Variants in EPN3 observed in about 807,000 individuals in gnomAD.
EPN3 encodes the protein epsin 3, also known as epsin-3.
In EPN3, 56 loss-of-function variants were observed where a neutral mutation model predicts 55.5. The ratio of observed to expected loss-of-function variants is 1.01; its 90% CI spans 0.81 to 1.26. The LOEUF (loss-of-function observed/expected upper bound fraction) is 1.26. EPN3 is among the 50% of genes most tolerant of loss of function. EPN3 has a pLI of 0.00. For synonymous variants in EPN3, 449 were observed against 375.2 expected, an observed-to-expected ratio of 1.20 and a Z score of -2.27; for missense variants, 927 against 853.4, an observed-to-expected ratio of 1.09 and a Z score of -1.07.
In EPN3 at chr17:50,536,737, T is replaced by G; in HGVS notation, c.181T>G (p.Trp61Gly). 1 of 1,614,126 alleles carries G rather than the reference T, an allele frequency of 6.2e-7. No individual in the cohort carries two copies. ...VAFTEVMGMLWRRLNDSGKNW... is the reference protein window; with the variant it reads ...VAFTEVMGMLGRRLNDSGKNW... The stretch of plus-strand genomic sequence containing the variant: ...CTTCACCGAAGTCATGGGCATGCTG[T>G]GGCGGCGGCTCAATGACAGCGGCAA... Residue 61 changes from tryptophan to glycine, a missense_variant, in exon 2 of 10, where the codon TGG becomes GGG. Trp to Gly is a radical substitution (Grantham distance 184, BLOSUM62 -2). Coordinates refer to ENST00000268933, the MANE Select transcript of EPN3 (RefSeq NM_017957.3).
In EPN3 at chr17:50,539,194, G is replaced by C. The variant is rs1331286976; in HGVS notation, c.770G>C (p.Arg257Thr). 3 of 1,614,022 alleles carry C rather than the reference G, an allele frequency of 1.9e-6. No individual in the cohort carries two copies. The highest frequency in any genetic ancestry group is 2.5e-6 in the Non-Finnish European group (3 of 1,179,992). The change falls in exon 5 of 10, where the codon AGG (arginine) becomes ACG (threonine). Residue 257 changes from arginine to threonine, a missense_variant. Transcript: ENST00000268933. ...TTTCTGTGCCTTCTGCAGGAGGTGAGGTCCTGGCAGGGTGATGGCTCCCCC... is the reference window on the plus strand; with the variant it reads ...TTTCTGTGCCTTCTGCAGGAGGTGACGTCCTGGCAGGGTGATGGCTCCCCC... ...LSRQEHEKEVRSWQGDGSPMA... is the reference protein window; with the variant it reads ...LSRQEHEKEVTSWQGDGSPMA...
intron 2 of EPN3, 150 bp downstream of exon 2, chr17:50,537,268 C>T: frequency 1.3e-6 from 1 of 784,560 alleles, no homozygotes; most frequent in South Asian, 1.9e-5. Flanking sequence ...GGCGCAACAC[C>T]CGGCACATAG....
rs2034863682 is a variant in EPN3, at chr17:50,542,452, G to A, written c.*295G>A. On this transcript the variant is annotated 3_prime_UTR_variant, in exon 10 of 10. Transcript: ENST00000268933. ...ATCACCGGCTGTTTAGGAAACTGCA[G>A]CTGCACAACGTGGGGTGCAAAACTG... The A allele has an allele frequency of 5.5e-6, 2 of 366,136 alleles. No homozygotes were observed. Among genetic ancestry groups the A allele is most frequent in the South Asian group, 5.2e-5 (1 of 19,296 alleles). 22.7% of individuals were successfully genotyped at this position (366,136 alleles called of 1,614,324 possible).
chr17:50,537,825 C>A, intron 2 of EPN3: 1 of 454,198 alleles, frequency 2.2e-6, no homozygotes, highest in Non-Finnish European at 3.9e-6. Context: ...TCAAGTCCTG[C>A]TTCAGGAACC....
At chr17:50,537,971 GT>G (rs1373296853) in intron 2 of EPN3, 107 bp from the exon 3 acceptor site, 2 of 945,902 alleles carry the variant, frequency 2.1e-6, no homozygotes, top group Non-Finnish European at 3.3e-6. Context: ...CTCAACGGCC[GT>G]TGTTCCCCTC....
intron 5 of EPN3, among the ~76,000 whole-genome samples, chr17:50,539,622 T>C (rs1014986621): frequency 1.3e-5 from 2 of 152,170 alleles, no homozygotes; most frequent in Admixed American, 6.5e-5. Flanking sequence ...CTGCACAGTG[T>C]GCTTATTGGA....
At chr17:50,540,173 C>A in intron 5 of EPN3, 74 bp from the exon 6 acceptor site, 1 of 1,161,612 alleles carries the variant, frequency 8.6e-7, no homozygotes, top group Non-Finnish European at 1.3e-6. Flanking sequence ...CTGGCATTAG[C>A]CTGACAGGTC....
chr17:50,538,306 T>TTGGGCACAGGACTGG, intron 3 of EPN3, 109 bp downstream of exon 3: 2 of 824,760 alleles, frequency 2.4e-6, no homozygotes, highest in Non-Finnish European at 1.9e-6. Flanking sequence ...GCCCCAGTCC[T>TTGGGCACAGGACTGG]GTGCCCAAGG....
chr17:50,536,984 A>G lies in EPN3; in HGVS notation c.428A>G (p.Glu143Gly), dbSNP rs79886223. The change falls in exon 2 of 10, where the codon GAG becomes GGG. Residue 143 changes from glutamate to glycine, a missense_variant. Physicochemically the swap from Glu to Gly is moderately conservative, Grantham distance 98. Transcript: ENST00000268933. Reference sequence around the variant, plus strand: ...AAGGATGAGGAGCGGCTGCGGCAGGAGCGAACCCACGCCCTCAAGACCAAG... The same window carrying G: ...AAGGATGAGGAGCGGCTGCGGCAGGGGCGAACCCACGCCCTCAAGACCAAG... ...LLKDEERLRQ[E>G]RTHALKTKER... 1 of 1,613,750 alleles carries G rather than the reference A, an allele frequency of 6.2e-7. No individual in the cohort carries two copies. The highest frequency in any genetic ancestry group is 8.5e-7 in the Non-Finnish European group (1 of 1,179,988).
intron 1 of EPN3, chr17:50,534,319 G>A (rs2144024800): frequency 1.3e-6 from 1 of 745,860 alleles, no homozygotes; most frequent in Non-Finnish European, 1.6e-6. Context: ...GGGCCGCTGG[G>A]CCCACACCGA....
In EPN3 at chr17:50,539,326, G is replaced by A. The variant is rs774166498; in HGVS notation, c.891+11G>A. On this transcript the variant is annotated intron_variant, in intron 5 of 9. Coordinates refer to ENST00000268933, the MANE Select transcript of EPN3 (RefSeq NM_017957.3). ...CTAAAAACCAGCCAGGTAGGGAGTGGGCTGCGGTGCTTGGGATGGACAGGG... is the reference window on the plus strand; with the variant it reads ...CTAAAAACCAGCCAGGTAGGGAGTGAGCTGCGGTGCTTGGGATGGACAGGG... The A allele has an allele frequency of 6.2e-7, 1 of 1,613,938 alleles. No homozygotes were observed. Among genetic ancestry groups the A allele is most frequent in the East Asian group, 2.2e-5 (1 of 44,862 alleles).
At chr17:50,533,339 C>T (rs1391327990) in intron 1 of EPN3, among the ~76,000 whole-genome samples, 2 of 152,212 alleles carry the variant, frequency 1.3e-5, no homozygotes, top group Non-Finnish European at 2.9e-5. Flanking sequence ...ATCTTCTGTG[C>T]TCCCGGGATG....
In EPN3 at chr17:50,541,217, C is replaced by G. The variant is rs776602956; in HGVS notation, c.1250-12C>G. 2 of 1,613,626 alleles carry G rather than the reference C, an allele frequency of 1.2e-6. No homozygotes were observed. Among genetic ancestry groups the G allele is most frequent in the Admixed American group, 3.3e-5 (2 of 60,026 alleles). The stretch of plus-strand genomic sequence containing the variant: ...TTGTCAACCCATCTCCTCTTCCTCT[C>G]TCTCTTCCGAGGTGGTGCCTCGACC... On this transcript the variant is annotated splice_polypyrimidine_tract_variant and intron_variant, in intron 7 of 9. Coordinates refer to ENST00000268933, the MANE Select transcript of EPN3 (RefSeq NM_017957.3).
Position 50,538,372 on chromosome 17 carries a change from G to A in EPN3, c.681+175G>A, listed in dbSNP as rs2034795374. The A allele has an allele frequency of 1.7e-5, 10 of 593,722 alleles. No homozygotes were observed. The East Asian group carries it at 2.8e-4, about 17-fold the overall frequency. The allele number at this position is 593,722 out of a possible 1,614,324, so 36.8% of individuals were successfully genotyped here. A position where few individuals can be genotyped will look rare whatever the true frequency, so the allele number is the denominator to read the frequency against. Reference sequence around the variant, plus strand: ...TGTCGCAGGCAGGGACTGCCTCCCTGCCTCCAGTCCTCTCCACTGGGCCTG... The same window carrying A: ...TGTCGCAGGCAGGGACTGCCTCCCTACCTCCAGTCCTCTCCACTGGGCCTG... On this transcript the variant is annotated intron_variant, in intron 3 of 9. Transcript: ENST00000268933.
chr17:50,536,828 G>T lies in EPN3; in HGVS notation c.272G>T (p.Arg91Leu). Residue 91 changes from arginine (R) to leucine (L), a missense_variant, in exon 2 of 10, where the codon CGG (arginine) becomes CTG (leucine). Arg to Leu is a moderately radical substitution (Grantham distance 102, BLOSUM62 -2). Coordinates refer to ENST00000268933, the MANE Select transcript of EPN3 (RefSeq NM_017957.3). ...TACCTGCTCAAGACGGGCTCCGAGCGGGTGGCCCACCAGTGCCGCGAGAAC... is the reference window on the plus strand; with the variant it reads ...TACCTGCTCAAGACGGGCTCCGAGCTGGTGGCCCACCAGTGCCGCGAGAAC... ...LDYLLKTGSE[R>L]VAHQCRENLY... 6.2e-7 allele frequency: 1 copy of T among 1,614,082 alleles called. No individual in the cohort carries two copies. Among genetic ancestry groups the T allele is most frequent in the African/African-American group, 1.3e-5 (1 of 75,028 alleles).
rs1567905902 is a variant in EPN3, at chr17:50,541,934, TGGGCCTGGCAGGC to T, written c.1684_1696del (p.Ala562TrpfsTer8). ...CAGATGCGCACCGGCTCGCCGGCGC[TGGGCCTGGCAGGC>T]GGGCCTGTGGGGGCGCCCCTGGGCT... On this transcript the variant is annotated frameshift_variant, in exon 10 of 10. Transcript: ENST00000268933. LOFTEE classifies it high-confidence loss of function. 5.6e-6 allele frequency: 9 copies of T among 1,599,020 alleles called. No individual in the cohort carries two copies. The South Asian group carries it at 9.9e-5, about 18-fold the overall frequency.
At position 50,536,726 on chromosome 17, in the gene EPN3, T is replaced by C. The variant is rs1020629872; in HGVS notation, c.170T>C (p.Met57Thr). 1.8e-5 allele frequency: 29 copies of C among 1,614,040 alleles called. No individual in the cohort carries two copies. Among genetic ancestry groups the C allele is most frequent in the Non-Finnish European group, 2.2e-5 (26 of 1,180,014 alleles). ...AACACAGTGGCCTTCACCGAAGTCA[T>C]GGGCATGCTGTGGCGGCGGCTCAAT... ...TFNTVAFTEVMGMLWRRLNDS... is the reference protein window; with the variant it reads ...TFNTVAFTEVTGMLWRRLNDS... The change falls in exon 2 of 10, where the codon ATG becomes ACG. Residue 57 changes from methionine to threonine, a missense_variant. Met to Thr is a moderately conservative substitution (Grantham distance 81). Coordinates refer to ENST00000268933, the MANE Select transcript of EPN3 (RefSeq NM_017957.3).
chr17:50,533,021 C>T (rs1005205650), intron 1 of EPN3, 36 bp downstream of exon 1: 64 of 1,231,406 alleles, frequency 5.2e-5, no homozygotes, highest in South Asian at 8.9e-5. Context: ...CTGGCAGTGG[C>T]GGCATGGAAG....
chr17:50,538,318 C>T (rs2034794794), intron 3 of EPN3, 121 bp downstream of exon 3: 1 of 695,270 alleles, frequency 1.4e-6, no homozygotes, highest in South Asian at 1.8e-5. Context: ...TGCCCAAGGA[C>T]AGCACAAGAC....
Sources: gnomAD v4.1 joint callset for allele counts (sites outside exome capture counted in the v4.1 genomes callset) on GRCh38, gnomAD v4.1.1 for gene constraint, MANE v1.5 for transcripts, NCBI Gene and HGNC (gene_info 2026-07-23, HGNC 2026-07-21) for gene names.